The following AUTS2 variants were observed in gnomAD, a reference collection of about 807,000 sequenced individuals.
AUTS2 encodes autism susceptibility gene 2 protein.
A neutral mutation model predicts 112.4 loss-of-function variants in AUTS2; 17 were observed. The ratio of observed to expected loss-of-function variants is 0.15; its 90% CI spans 0.10 to 0.23. The LOEUF is 0.23. Among genes scored for constraint, AUTS2 ranks in the 10% least tolerant of loss-of-function variants. The pLI is 1.00. For missense variants in AUTS2, 1,510 were observed against 1,701.6 expected (o/e 0.89, Z 1.98); for synonymous variants, 751 against 702.7 (o/e 1.07, Z -1.09).
chr7:70,290,574 A>C (rs1788664656), intron 4 of AUTS2: 1 of 1,461,878 alleles, frequency 6.8e-7, no homozygotes, highest in Admixed American at 3.3e-5. Context: ...TCTGTTGACT[A>C]CTGTTAGCGT....
chr7:70,751,185 T>C (rs1788819658), intron 6 of AUTS2, among the ~76,000 whole-genome samples: 1 of 152,168 alleles, frequency 6.6e-6, no homozygotes, highest in African/African-American at 2.4e-5. Flanking sequence ...ATTAGCCTCA[T>C]GGTTATGGCC....
chr7:70,007,658 G>A (rs1328170631), intron 2 of AUTS2, among the ~76,000 whole-genome samples: 1 of 152,172 alleles, frequency 6.6e-6, no homozygotes, highest in Non-Finnish European at 1.5e-5. Context: ...CATGAGAAAA[G>A]TGAGGCTGAG....
intron 2 of AUTS2, among the ~76,000 whole-genome samples, chr7:69,964,943 C>G (rs1269993834): frequency 6.6e-6 from 1 of 151,916 alleles, no homozygotes; most frequent in African/African-American, 2.4e-5. Flanking sequence ...GAGTAATCCC[C>G]TCACCCCTCA....
chr7:70,179,721 A>G (rs1041520742), intron 4 of AUTS2, among the ~76,000 whole-genome samples: 2 of 152,190 alleles, frequency 1.3e-5, no homozygotes, highest in Non-Finnish European at 2.9e-5. Context: ...TTTCTGATCT[A>G]GAGGGAATTA....
chr7:70,101,104 C>G (rs1391439440), intron 2 of AUTS2, among the ~76,000 whole-genome samples: 1 of 152,090 alleles, frequency 6.6e-6, no homozygotes, highest in Non-Finnish European at 1.5e-5. Context: ...TCTCGAACTC[C>G]TGACGCCAGG....
chr7:69,911,739 G>A (rs1286025712), intron 2 of AUTS2, among the ~76,000 whole-genome samples: 1 of 152,114 alleles, frequency 6.6e-6, no homozygotes, highest in African/African-American at 2.4e-5. Context: ...GGGTTTTTAT[G>A]TGCTTAGAAG....
intron 4 of AUTS2, among the ~76,000 whole-genome samples, chr7:70,315,525 G>T (rs1282776828): frequency 6.6e-6 from 1 of 152,144 alleles, no homozygotes; most frequent in Non-Finnish European, 1.5e-5. Context: ...CACTGTTCAT[G>T]CTCTTACCTG....
chr7:70,020,499 T>C (rs755081145), intron 2 of AUTS2, among the ~76,000 whole-genome samples: 1 of 152,126 alleles, frequency 6.6e-6, no homozygotes, highest in Non-Finnish European at 1.5e-5. Context: ...GGATAGGTTT[T>C]TGTTGTTTTG....
At chr7:70,580,547 C>T (rs1802386179) in intron 5 of AUTS2, among the ~76,000 whole-genome samples, 1 of 152,124 alleles carries the variant, frequency 6.6e-6, no homozygotes, top group Admixed American at 6.5e-5. Flanking sequence ...GGATACAAGC[C>T]CCACCTCTGG....
chr7:70,690,224 AC>A (rs1313167727), intron 5 of AUTS2, among the ~76,000 whole-genome samples: 1 of 152,208 alleles, frequency 6.6e-6, no homozygotes, highest in Non-Finnish European at 1.5e-5. Flanking sequence ...CCAAACCTCT[AC>A]CCTGAAGAAC....
At chr7:70,271,738 G>A (rs905662075) in intron 4 of AUTS2, among the ~76,000 whole-genome samples, 1 of 152,192 alleles carries the variant, frequency 6.6e-6, no homozygotes, top group East Asian at 1.9e-4. Context: ...CAGCAATTAT[G>A]TGTAAATGCC....
chr7:69,909,847 G>A (rs187408942), intron 2 of AUTS2, among the ~76,000 whole-genome samples: 1 of 152,244 alleles, frequency 6.6e-6, no homozygotes, highest in East Asian at 1.9e-4. Context: ...TTTTCCTGGA[G>A]ATTAGTGCAA....
chr7:70,756,931 A>C (rs1789247661), intron 6 of AUTS2, among the ~76,000 whole-genome samples: 1 of 152,252 alleles, frequency 6.6e-6, no homozygotes, highest in Non-Finnish European at 1.5e-5. Context: ...GAATTTAGGA[A>C]GTGCATTGAG....
intron 4 of AUTS2, among the ~76,000 whole-genome samples, chr7:70,209,003 T>A (rs1238375389): frequency 8.6e-5 from 13 of 151,792 alleles, no homozygotes; most frequent in Non-Finnish European, 1.8e-4. Flanking sequence ...ACCTGGAGAG[T>A]GATGCAAACT....
chr7:69,625,165 C>T (rs1484747057), intron 1 of AUTS2, among the ~76,000 whole-genome samples: 1 of 152,104 alleles, frequency 6.6e-6, no homozygotes, highest in Non-Finnish European at 1.5e-5. Context: ...TTTGTCTCTC[C>T]CCTTCAATTC....
At chr7:70,469,889 C>G (rs1309973945) in intron 5 of AUTS2, among the ~76,000 whole-genome samples, 3 of 152,172 alleles carry the variant, frequency 2.0e-5, no homozygotes, top group Admixed American at 2.0e-4. Context: ...ATCCGCCTGC[C>G]TTGGCCTCCC....
At chr7:70,030,853 TC>T (rs1376078529) in intron 2 of AUTS2, among the ~76,000 whole-genome samples, 1 of 152,174 alleles carries the variant, frequency 6.6e-6, no homozygotes, top group African/African-American at 2.4e-5. Context: ...GAGCTAATTA[TC>T]CTAGTCATAT....
At chr7:70,466,747 G>A (rs140185785) in intron 5 of AUTS2, among the ~76,000 whole-genome samples, 47 of 152,342 alleles carry the variant, frequency 3.1e-4, no homozygotes, top group Non-Finnish European at 4.7e-4. Flanking sequence ...GATTGTGTGC[G>A]TGTGTGCAGG....
At chr7:69,963,197 G>C (rs2129547185) in intron 2 of AUTS2, among the ~76,000 whole-genome samples, 1 of 152,268 alleles carries the variant, frequency 6.6e-6, no homozygotes, top group East Asian at 1.9e-4. Context: ...TGTGGTTTCA[G>C]AGTTAAGGAT....
Sources: gnomAD v4.1 joint callset for allele counts (sites outside exome capture counted in the v4.1 genomes callset) on GRCh38, gnomAD v4.1.1 for gene constraint, MANE v1.5 for transcripts, NCBI Gene and HGNC (gene_info 2026-07-23, HGNC 2026-07-21) for gene names.